GALM: variants seen among roughly 807,000 people sequenced by gnomAD.
GALM encodes aldose 1-epimerase.
Under a neutral mutation model 37.4 loss-of-function variants are expected in GALM, and 43 were observed. The ratio of observed to expected loss-of-function variants is 1.15; its 90% CI spans 0.90 to 1.48. The LOEUF (loss-of-function observed/expected upper bound fraction) is 1.48. Among genes scored for constraint, GALM ranks in the 40% most tolerant of loss-of-function variants. GALM has a pLI of 0.00. For synonymous variants in GALM, 199 were observed against 170.6 expected (o/e 1.17, Z -1.30); for missense variants, 456 against 419.1 (o/e 1.09, Z -0.77).
At chr2:38,698,703 T>TCCAG (rs1665859822) in intron 4 of GALM, among the ~76,000 whole-genome samples, 1 of 152,130 alleles carries the variant, frequency 6.6e-6, no homozygotes, top group Non-Finnish European at 1.5e-5. Context: ...GACAGGGGTG[T>TCCAG]AGATAATGGA....
At chr2:38,728,194 G>C (rs986706771) in intron 4 of GALM, among the ~76,000 whole-genome samples, 1 of 152,112 alleles carries the variant, frequency 6.6e-6, no homozygotes, top group Non-Finnish European at 1.5e-5. Context: ...AGGAGTTGGA[G>C]ACTAGCCTGG....
At chr2:38,695,918 T>G (rs1023307743) in intron 4 of GALM, among the ~76,000 whole-genome samples, 3 of 152,074 alleles carry the variant, frequency 2.0e-5, no homozygotes, top group Non-Finnish European at 4.4e-5. Context: ...AGGCTGATCT[T>G]GAACTCCTGA....
intron 4 of GALM, among the ~76,000 whole-genome samples, chr2:38,712,835 CA>C (rs1162274232): frequency 6.6e-6 from 1 of 152,176 alleles, no homozygotes; most frequent in Non-Finnish European, 1.5e-5. Flanking sequence ...GATGTGCAAG[CA>C]GGGGGTGCCC....
At chr2:38,707,179 G>A (rs902053932) in intron 4 of GALM, among the ~76,000 whole-genome samples, 5 of 152,060 alleles carry the variant, frequency 3.3e-5, no homozygotes, top group African/African-American at 1.2e-4. Flanking sequence ...CCTGTGGGGT[G>A]TACATCTCCC....
At chr2:38,714,547 GCTCT>G (rs1440445759) in intron 4 of GALM, among the ~76,000 whole-genome samples, 31 of 152,228 alleles carry the variant, frequency 2.0e-4, no homozygotes, top group African/African-American at 7.0e-4. Context: ...AACCCACTTG[GCTCT>G]CAAGCAGAGC....
intron 5 of GALM, 74 bp downstream of exon 5, chr2:38,729,771 C>T: frequency 7.9e-7 from 1 of 1,273,266 alleles, no homozygotes; most frequent in Non-Finnish European, 1.1e-6. Context: ...GGAGCTTTTC[C>T]TCTGGCCATA....
chr2:38,722,720 G>C (rs556958323), intron 4 of GALM, among the ~76,000 whole-genome samples: 20 of 152,306 alleles, frequency 1.3e-4, no homozygotes, highest in Middle Eastern at 6.8e-3. Context: ...AAAGCACAAA[G>C]TCATATATGC....
intron 6 of GALM, among the ~76,000 whole-genome samples, chr2:38,732,239 TAG>T (rs568225957): frequency 1.6e-4 from 25 of 152,144 alleles, no homozygotes; most frequent in Non-Finnish European, 3.7e-4. Context: ...GTATTTTTAG[TAG>T]AGACAGGGTT....
chr2:38,686,548 G>A (rs1163196649), intron 3 of GALM, among the ~76,000 whole-genome samples: 1 of 151,962 alleles, frequency 6.6e-6, no homozygotes, highest in Non-Finnish European at 1.5e-5. Context: ...ACAAGCATGA[G>A]CCACCGTGCC....
At chr2:38,677,850 A>G (rs10495881) in intron 2 of GALM, among the ~76,000 whole-genome samples, 9,381 of 151,804 alleles carry the variant, frequency 0.062, 399 homozygotes, top group East Asian at 0.15. Flanking sequence ...CACAAGCACC[A>G]TAACAAGCCA....
intron 1 of GALM, among the ~76,000 whole-genome samples, chr2:38,673,507 C>T (rs1011924770): frequency 6.6e-6 from 1 of 152,116 alleles, no homozygotes; most frequent in Non-Finnish European, 1.5e-5. Context: ...TACAGCCCCT[C>T]CCCTAAAAAG....
chr2:38,715,660 T>C (rs926390450), intron 4 of GALM, among the ~76,000 whole-genome samples: 1 of 152,158 alleles, frequency 6.6e-6, no homozygotes, highest in Non-Finnish European at 1.5e-5. Flanking sequence ...CTTGAACTCC[T>C]GGGTTCAAGT....
intron 4 of GALM, among the ~76,000 whole-genome samples, chr2:38,717,721 G>T (rs1004034350): frequency 6.7e-6 from 1 of 149,956 alleles, no homozygotes; most frequent in Non-Finnish European, 1.5e-5. Context: ...TTTATAAATG[G>T]GGAAATTGAA....
chr2:38,720,515 A>C (rs929842951), intron 4 of GALM, among the ~76,000 whole-genome samples: 1 of 151,184 alleles, frequency 6.6e-6, no homozygotes, highest in African/African-American at 2.4e-5. Context: ...CAGTGCTAGG[A>C]GGTGAAAACA....
At chr2:38,724,947 G>A (rs543076836) in intron 4 of GALM, among the ~76,000 whole-genome samples, 37 of 152,266 alleles carry the variant, frequency 2.4e-4, no homozygotes, top group African/African-American at 8.2e-4. Context: ...TATGCCCTCT[G>A]TCTTTCCTTC....
At chr2:38,687,794 A>T (rs1298991806) in intron 3 of GALM, among the ~76,000 whole-genome samples, 1 of 152,084 alleles carries the variant, frequency 6.6e-6, no homozygotes, top group Non-Finnish European at 1.5e-5. Flanking sequence ...TCGTGTTTAG[A>T]CATGCATTCT....
chr2:38,672,844 TAAA>T (rs201693779), intron 1 of GALM, among the ~76,000 whole-genome samples: 1 of 142,846 alleles, frequency 7.0e-6, no homozygotes, highest in African/African-American at 2.6e-5. Flanking sequence ...CCATCTCTAT[TAAA>T]AAAAAAAAAA....
chr2:38,698,097 C>G (rs1181117600), intron 4 of GALM, among the ~76,000 whole-genome samples: 1 of 152,066 alleles, frequency 6.6e-6, no homozygotes, highest in Admixed American at 6.6e-5. Flanking sequence ...GTGCGCACCA[C>G]CACGGCCAGC....
At position 38,691,707 on chromosome 2, in the gene GALM, T is replaced by C. The variant is rs574474881; in HGVS notation, c.634+1813T>C. Among the ~76,000 whole-genome samples the C allele has an allele frequency of 1.2e-3, 188 of 150,606 alleles. 1 individual carries two copies. Among genetic ancestry groups the C allele is most frequent in the Middle Eastern group, 3.4e-3 (1 of 294 alleles). On this transcript the variant is annotated intron_variant, in intron 4 of 6. Transcript: ENST00000272252. The stretch of plus-strand genomic sequence containing the variant: ...AAAAAAAAACCTAATTGGGAATATA[T>C]GTGTTATATTTCAGTAGTTTTTTTT...
Sources: gnomAD v4.1 joint callset for allele counts (sites outside exome capture counted in the v4.1 genomes callset) on GRCh38, gnomAD v4.1.1 for gene constraint, MANE v1.5 for transcripts, NCBI Gene and HGNC (gene_info 2026-07-23, HGNC 2026-07-21) for gene names.